The following AGMO variants were observed in gnomAD, a reference collection of about 807,000 sequenced individuals.
The protein encoded by AGMO is glyceryl-ether monooxygenase.
AGMO carries 75 observed loss-of-function variants against 60.2 expected under a neutral mutation model. The observed-to-expected ratio is 1.25, with a 90% CI of 1.03 to 1.51. AGMO has a LOEUF of 1.51. Ranked by LOEUF, AGMO falls within the 40% of genes most tolerant of loss-of-function variation. AGMO has a pLI of 0.00. For synonymous variants in AGMO, 261 were observed against 177.1 expected (o/e 1.47, Z -3.76); for missense variants, 763 against 525.5 (o/e 1.45, Z -4.42).
At chr7:15,354,346 GTGTATATAGA>G (rs1782382575) in intron 12 of AGMO, among the ~76,000 whole-genome samples, 6 of 45,840 alleles carry the variant, frequency 1.3e-4, no homozygotes, top group African/African-American at 2.8e-4. Context: ...ATATACACGC[GTGTATATAGA>G]CGTGTGTATA....
At chr7:15,300,348 C>T (rs1330478705) in intron 12 of AGMO, among the ~76,000 whole-genome samples, 1 of 152,142 alleles carries the variant, frequency 6.6e-6, no homozygotes, top group East Asian at 1.9e-4. Flanking sequence ...GATGGTTTGG[C>T]AGCTTAACCA....
At chr7:15,181,127 CAATT>C in the AGMO span, among the ~76,000 whole-genome samples, 1 of 152,116 alleles carries the variant, frequency 6.6e-6, no homozygotes, top group Non-Finnish European at 1.5e-5. Flanking sequence ...GTTACAAAGA[CAATT>C]AAATTTCAAC....
intron 3 of AGMO, among the ~76,000 whole-genome samples, chr7:15,518,467 A>T (rs1046607173): frequency 6.6e-6 from 1 of 152,184 alleles, no homozygotes; most frequent in Non-Finnish European, 1.5e-5. Context: ...GAGCTTCCAG[A>T]GGAAGGAGCA....
At chr7:15,333,533 G>T (rs1781561260) in intron 12 of AGMO, among the ~76,000 whole-genome samples, 1 of 150,404 alleles carries the variant, frequency 6.6e-6, no homozygotes, top group Non-Finnish European at 1.5e-5. Context: ...GTTAAACATG[G>T]CCCTGACAAG....
At chr7:15,405,149 T>C (rs1784654492) in intron 5 of AGMO, among the ~76,000 whole-genome samples, 1 of 151,814 alleles carries the variant, frequency 6.6e-6, no homozygotes, top group Admixed American at 6.6e-5. Flanking sequence ...ATCTATATTA[T>C]TAATACATCC....
At chr7:15,195,883 A>AAAC, downstream of AGMO, among the ~76,000 whole-genome samples, 1 of 152,260 alleles carries the variant, frequency 6.6e-6, no homozygotes, top group South Asian at 2.1e-4. Context: ...AGACAAATGC[A>AAAC]AACAGGACCT....
rs1261078551 is a variant in AGMO, at chr7:15,223,086, C to T, written c.1264-21727G>A. Among the ~76,000 whole-genome samples, 3 of 151,742 alleles carry T rather than the reference C, an allele frequency of 2.0e-5. No individual in the cohort carries two copies. The East Asian group carries it at 5.8e-4, about 29-fold the overall frequency. On this transcript the variant is annotated intron_variant, in intron 12 of 12. Transcript: ENST00000342526. ...TTAGTTTTATATTTAATTCAAACAC[C>T]ACTTCAAGATTTATGTGTAGATAAA...
chr7:15,248,950 G>A (rs1172883884), intron 12 of AGMO, among the ~76,000 whole-genome samples: 1 of 152,122 alleles, frequency 6.6e-6, no homozygotes, highest in African/African-American at 2.4e-5. Context: ...GATAAAAAGG[G>A]AGGATACATA....
intron 12 of AGMO, among the ~76,000 whole-genome samples, chr7:15,362,816 C>G (rs138273921): frequency 3.9e-5 from 6 of 152,162 alleles, no homozygotes; most frequent in Admixed American, 2.0e-4. Flanking sequence ...TACTATAGCT[C>G]TTTACATTTT....
At chr7:15,135,181 TGTGTGTGTGTCTGC>T in the AGMO span, among the ~76,000 whole-genome samples, 1 of 151,824 alleles carries the variant, frequency 6.6e-6, no homozygotes. Flanking sequence ...TGTGTGTGTG[TGTGTGTGTGTCTGC>T]GTGTGTGTGG....
rs1554402213 is a variant in AGMO, at chr7:15,255,547, A to AAAAAG, written c.1264-54189_1264-54188insCTTTT. Among the ~76,000 whole-genome samples the AAAAAG allele has an allele frequency of 1.1e-4, 17 of 150,552 alleles. No individual in the cohort carries two copies. In the East Asian group the frequency reaches 2.7e-3, roughly 24 times the overall value. ...CATGTAAGAATACAAAAAAAAAAAA[A>AAAAAG]AAAGAAAGAAAGAAAAAGAAAACTA... On this transcript the variant is annotated intron_variant, in intron 12 of 12. Coordinates refer to ENST00000342526, the MANE Select transcript of AGMO (RefSeq NM_001004320.2).
chr7:15,120,122 A>C, the AGMO span, among the ~76,000 whole-genome samples: 1 of 151,996 alleles, frequency 6.6e-6, no homozygotes, highest in East Asian at 1.9e-4. Context: ...CAAAATCAAA[A>C]ACAAAAACCA....
the AGMO span, among the ~76,000 whole-genome samples, chr7:15,138,960 C>T: frequency 1.2e-3 from 190 of 152,144 alleles, no homozygotes; most frequent in African/African-American, 4.4e-3. Flanking sequence ...ACTTATAAAG[C>T]TTAATAATAA....
chr7:15,232,261 A>G (rs1387099189), intron 12 of AGMO, among the ~76,000 whole-genome samples: 1 of 152,206 alleles, frequency 6.6e-6, no homozygotes, highest in African/African-American at 2.4e-5. Flanking sequence ...CTTACAAGAC[A>G]TGGGAAGTGG....
chr7:15,361,802 C>T (rs1465790283), intron 12 of AGMO, among the ~76,000 whole-genome samples: 1 of 151,984 alleles, frequency 6.6e-6, no homozygotes, highest in Non-Finnish European at 1.5e-5. Flanking sequence ...ACACACCTCC[C>T]AAATAATGTA....
chr7:15,121,457 A>G, the AGMO span, among the ~76,000 whole-genome samples: 7 of 152,098 alleles, frequency 4.6e-5, no homozygotes, highest in African/African-American at 1.7e-4. Flanking sequence ...AAGCGTTCCT[A>G]TTTCTCCACA....
intron 12 of AGMO, among the ~76,000 whole-genome samples, chr7:15,260,488 C>T (rs1384188299): frequency 2.0e-5 from 3 of 152,028 alleles, no homozygotes; most frequent in African/African-American, 7.2e-5. Context: ...TATATATGCA[C>T]TTAACACTGG....
chr7:15,394,889 T>C (rs1239630746), intron 5 of AGMO, among the ~76,000 whole-genome samples: 7 of 152,298 alleles, frequency 4.6e-5, no homozygotes, highest in Middle Eastern at 6.8e-3. Context: ...AGGCCTTTTT[T>C]CACAATTAAA....
intron 3 of AGMO, among the ~76,000 whole-genome samples, chr7:15,528,651 T>A (rs995313641): frequency 1.3e-5 from 2 of 152,054 alleles, no homozygotes; most frequent in Non-Finnish European, 2.9e-5. Flanking sequence ...CATTTTTATT[T>A]ATTTATTTAT....
Sources: gnomAD v4.1 joint callset for allele counts (sites outside exome capture counted in the v4.1 genomes callset) on GRCh38, gnomAD v4.1.1 for gene constraint, MANE v1.5 for transcripts, NCBI Gene and HGNC (gene_info 2026-07-23, HGNC 2026-07-21) for gene names.